Variants in KRABD5 observed in about 807,000 individuals in gnomAD.
KRABD5 encodes KRAB domain containing 5.
At chr16:31,719,949 A>G in the KRABD5 span, among the ~76,000 whole-genome samples, 1 of 152,214 alleles carries the variant, frequency 6.6e-6, no homozygotes, top group African/African-American at 2.4e-5. Flanking sequence ...TATCTCTCCC[A>G]TCTGTCTATA....
At chr16:31,751,458 G>GT in the KRABD5 span, among the ~76,000 whole-genome samples, 1 of 152,078 alleles carries the variant, frequency 6.6e-6, no homozygotes, top group East Asian at 1.9e-4. Flanking sequence ...TTCAGTATCA[G>GT]AACTTGATAC....
the KRABD5 span, among the ~76,000 whole-genome samples, chr16:31,735,011 A>C: frequency 6.6e-6 from 1 of 152,074 alleles, no homozygotes; most frequent in Non-Finnish European, 1.5e-5. Context: ...GGCCTCGCAA[A>C]GTGCTGGGAT....
the KRABD5 span, among the ~76,000 whole-genome samples, chr16:31,751,203 G>A: frequency 6.6e-6 from 1 of 152,272 alleles, no homozygotes; most frequent in Admixed American, 6.5e-5. Context: ...CTATTTTGTT[G>A]AAGATTTTTG....
the KRABD5 span, chr16:31,754,440 A>T: frequency 1.5e-6 from 1 of 650,354 alleles, no homozygotes; most frequent in Middle Eastern, 2.5e-4. Flanking sequence ...AATTACCAGT[A>T]TATTTGTGTT....
the KRABD5 span, chr16:31,723,436 G>A: frequency 2.9e-6 from 4 of 1,383,990 alleles, no homozygotes; most frequent in African/African-American, 3.0e-5. Context: ...TGTGGATTGG[G>A]AAGTTCTCCA....
At chr16:31,733,297 C>G in the KRABD5 span, among the ~76,000 whole-genome samples, 1 of 151,800 alleles carries the variant, frequency 6.6e-6, no homozygotes, top group Non-Finnish European at 1.5e-5. Context: ...AATTCACAAT[C>G]TATTGTTTGG....
chr16:31,758,013 C>T, the KRABD5 span: 4 of 152,098 alleles, frequency 2.6e-5, no homozygotes, highest in Non-Finnish European at 4.4e-5. Context: ...GTTCCAAACT[C>T]TTGAGGGCCA....
the KRABD5 span, chr16:31,723,250 T>A: frequency 6.2e-7 from 1 of 1,611,918 alleles, no homozygotes; most frequent in Non-Finnish European, 8.5e-7. Flanking sequence ...CTTTTTCTAA[T>A]AAAACAGGTC....
chr16:31,753,874 A>G, the KRABD5 span: 2 of 1,551,350 alleles, frequency 1.3e-6, no homozygotes, highest in Non-Finnish European at 8.7e-7. Context: ...CAGAATTTAA[A>G]CTTAAGGAAA....
the KRABD5 span, among the ~76,000 whole-genome samples, chr16:31,732,836 C>T: frequency 6.6e-6 from 1 of 152,022 alleles, no homozygotes; most frequent in Non-Finnish European, 1.5e-5. Context: ...ATTTTACTGC[C>T]ATTCATTGAA....
chr16:31,746,484 A>G, the KRABD5 span, among the ~76,000 whole-genome samples: 97 of 152,278 alleles, frequency 6.4e-4, no homozygotes, highest in Admixed American at 2.7e-3. Context: ...TGAGAGGCCT[A>G]CTGTTAGTCT....
chr16:31,722,003 T>G, the KRABD5 span, among the ~76,000 whole-genome samples: 2 of 152,238 alleles, frequency 1.3e-5, no homozygotes, highest in Non-Finnish European at 2.9e-5. Flanking sequence ...TACAACTGAT[T>G]GTGGATGATG....
chr16:31,740,983 G>C, the KRABD5 span, among the ~76,000 whole-genome samples: 1 of 152,034 alleles, frequency 6.6e-6, no homozygotes, highest in South Asian at 2.1e-4. Context: ...TTCCTTTACT[G>C]CCCCCATGAG....
At chr16:31,736,568 A>G in the KRABD5 span, among the ~76,000 whole-genome samples, 2 of 139,750 alleles carry the variant, frequency 1.4e-5, no homozygotes, top group South Asian at 2.2e-4. Context: ...CCCAGGTTGG[A>G]GTGCAATGGC....
At chr16:31,748,065 C>T in the KRABD5 span, among the ~76,000 whole-genome samples, 1 of 152,066 alleles carries the variant, frequency 6.6e-6, no homozygotes, top group Non-Finnish European at 1.5e-5. Flanking sequence ...AGTCCTCGCC[C>T]ATGCCTATGT....
chr16:31,732,692 A>G, the KRABD5 span, among the ~76,000 whole-genome samples: 1 of 152,190 alleles, frequency 6.6e-6, no homozygotes, highest in African/African-American at 2.4e-5. Context: ...TATAGCCATT[A>G]TATTTTATGT....
At chr16:31,736,363 GA>G in the KRABD5 span, among the ~76,000 whole-genome samples, 1 of 150,796 alleles carries the variant, frequency 6.6e-6, no homozygotes, top group Non-Finnish European at 1.5e-5. Flanking sequence ...TTTTGCTCAG[GA>G]TTGCTTTGGC....
chr16:31,758,795 A>G, the KRABD5 span: 2 of 152,076 alleles, frequency 1.3e-5, no homozygotes, highest in Admixed American at 1.3e-4. Flanking sequence ...AAAGAAAAGA[A>G]AAGTGTATTT....
At chr16:31,734,671 C>T in the KRABD5 span, among the ~76,000 whole-genome samples, 1 of 151,946 alleles carries the variant, frequency 6.6e-6, no homozygotes, top group African/African-American at 2.4e-5. Flanking sequence ...GTTAACCAAC[C>T]TCTTTCTATT....
Sources: gnomAD v4.1 joint callset for allele counts (sites outside exome capture counted in the v4.1 genomes callset) on GRCh38, gnomAD v4.1.1 for gene constraint, MANE v1.5 for transcripts, NCBI Gene and HGNC (gene_info 2026-07-23, HGNC 2026-07-21) for gene names.